The following CLN6 variants were observed in gnomAD, a reference collection of about 807,000 sequenced individuals.
CLN6 encodes CLN6 transmembrane ER protein.
In CLN6, 22 loss-of-function variants were observed where a neutral mutation model predicts 33.3. That is an observed-to-expected ratio of 0.66 (90% CI 0.47 to 0.94). The LOEUF (loss-of-function observed/expected upper bound fraction) is 0.94, where lower values mean the gene tolerates loss of function less well. Ranked by LOEUF, CLN6 falls within the 40% of genes least tolerant of loss-of-function variation. The pLI is 0.00. For missense variants in CLN6, 387 were observed against 417.1 expected, an observed-to-expected ratio of 0.93 and a Z score of 0.63; for synonymous variants, 201 against 174.6, an observed-to-expected ratio of 1.15 and a Z score of -1.19.
intron 3 of CLN6, chr15:68,212,094 C>T: frequency 1.7e-6 from 1 of 573,758 alleles, no homozygotes; most frequent in Non-Finnish European, 3.1e-6. Context: ...ACCCAGGGAG[C>T]AAAAAGACCA....
At chr15:68,224,265 C>CAAAAAAAA (rs34196710) in intron 1 of CLN6, among the ~76,000 whole-genome samples, 3 of 46,728 alleles carry the variant, frequency 6.4e-5, no homozygotes, top group Non-Finnish European at 9.6e-5. Flanking sequence ...GACCTTATTG[C>CAAAAAAAA]AAAAAAAAAA....
intron 2 of CLN6, chr15:68,214,790 T>C: frequency 3.2e-6 from 1 of 309,224 alleles, no homozygotes; most frequent in East Asian, 8.4e-5. Flanking sequence ...TGGGCCTTGG[T>C]TTCCCCATCT....
At chr15:68,251,820 T>A (rs1892381721) in intron 1 of CLN6, among the ~76,000 whole-genome samples, 1 of 145,248 alleles carries the variant, frequency 6.9e-6, no homozygotes, top group African/African-American at 2.5e-5. Context: ...CAAAAGAATG[T>A]TCAGACAAAT....
rs2093263458 is a variant in CLN6 at position 68,229,691 on chromosome 15, G to A, written c.-107C>T. The A allele has an allele frequency of 2.2e-6, 2 of 916,530 alleles. No homozygotes were observed. Among genetic ancestry groups the A allele is most frequent in the South Asian group, 2.7e-5 (1 of 36,412 alleles). The allele number at this position is 916,530 out of a possible 1,614,324, so 56.8% of individuals were successfully genotyped here. A position where few individuals can be genotyped will look rare whatever the true frequency, so the allele number is the denominator to read the frequency against. ...AATTCCCAGCGCGGGGCGGTTCGGGGCGGGCCGGCGAGAGCGCGCGGCCCT... is the reference window on the plus strand; with the variant it reads ...AATTCCCAGCGCGGGGCGGTTCGGGACGGGCCGGCGAGAGCGCGCGGCCCT... On this transcript the variant is annotated 5_prime_UTR_variant, in exon 1 of 7. Coordinates refer to ENST00000249806, the MANE Select transcript of CLN6 (RefSeq NM_017882.3).
rs2093191500 is a variant in CLN6, at chr15:68,207,815, C to A, written c.*325G>T. The A allele has an allele frequency of 7.3e-6, 3 of 412,254 alleles. No individual in the cohort carries two copies. In the East Asian group the frequency reaches 1.6e-4, roughly 22 times the overall value. The allele number at this position is 412,254 out of a possible 1,614,324, so 25.5% of individuals were successfully genotyped here. Reference sequence around the variant, plus strand: ...AAGATGTCCGGGAAGAACAGACTAGCCCTGAGTAGGGAGTGTGGTCAGGTG... The same window carrying A: ...AAGATGTCCGGGAAGAACAGACTAGACCTGAGTAGGGAGTGTGGTCAGGTG... On this transcript the variant is annotated 3_prime_UTR_variant, in exon 7 of 7. Coordinates refer to ENST00000249806, the MANE Select transcript of CLN6 (RefSeq NM_017882.3).
chr15:68,233,862 G>A (rs781142241), upstream of CLN6, among the ~76,000 whole-genome samples: 17 of 152,196 alleles, frequency 1.1e-4, no homozygotes, highest in Non-Finnish European at 1.9e-4. This position sits in a 1 kb window ranked among gnomAD's most constrained non-coding sequence, Gnocchi z 4.3. Flanking sequence ...GGGGGAAGAT[G>A]GAGACTGTCT....
chr15:68,229,772 A>AG (rs1555440260), upstream of CLN6: 34 of 268,728 alleles, frequency 1.3e-4, no homozygotes, highest in Non-Finnish European at 1.6e-4. Flanking sequence ...AGCGGAGCGG[A>AG]GCGGAGGGAG....
intron 1 of CLN6, among the ~76,000 whole-genome samples, chr15:68,245,048 A>AAAAAG: frequency 6.6e-6 from 1 of 151,256 alleles, no homozygotes; most frequent in Non-Finnish European, 1.5e-5. Context: ...AAAAAAAAAA[A>AAAAAG]AAGAGAGAGA....
rs1223612558 is a variant in CLN6 at position 68,210,064 on chromosome 15, G to A, written c.543-305C>T. Among the ~76,000 whole-genome samples the A allele has an allele frequency of 6.6e-6, 1 of 152,076 alleles. No homozygotes were observed. Among genetic ancestry groups the A allele is most frequent in the Non-Finnish European group, 1.5e-5 (1 of 67,994 alleles). On this transcript the variant is annotated intron_variant, in intron 5 of 6. Transcript: ENST00000249806. The surrounding 1 kb of genome is among the most constrained non-coding windows in gnomAD (Gnocchi z 5.6). ...TGGGGGGTTGTCTGTCTCATGCACC[G>A]CAGACACCAGCAGCCCAGCACCACA...
Position 68,207,671 on chromosome 15 carries a change from T to G in CLN6, c.*469A>C. 9.0e-6 allele frequency: 2 copies of G among 221,606 alleles called. No individual in the cohort carries two copies. Among genetic ancestry groups the G allele is most frequent in the South Asian group, 1.4e-4 (2 of 14,504 alleles). 13.7% of individuals were successfully genotyped at this position (221,606 alleles called of 1,614,324 possible). On this transcript the variant is annotated 3_prime_UTR_variant, in exon 7 of 7. Coordinates refer to ENST00000249806, the MANE Select transcript of CLN6 (RefSeq NM_017882.3). The stretch of plus-strand genomic sequence containing the variant: ...GCTCAACAGCCACAGTAGGCTGACG[T>G]AACCTATGTAATGTAGGGTCAGGGT...
chr15:68,249,626 C>A (rs535817544), intron 1 of CLN6, among the ~76,000 whole-genome samples: 3 of 151,730 alleles, frequency 2.0e-5, no homozygotes, highest in African/African-American at 7.2e-5. Context: ...AAGTGAATCT[C>A]ATGAAGATAG....
intron 1 of CLN6, among the ~76,000 whole-genome samples, chr15:68,253,162 T>C (rs770405967): frequency 2.6e-5 from 4 of 152,190 alleles, no homozygotes; most frequent in South Asian, 2.1e-4. Flanking sequence ...CTGGTGTAAA[T>C]GGACATGTAC....
At position 68,211,934 on chromosome 15, in the gene CLN6, CCT is replaced by C. The variant is rs935340832; in HGVS notation, c.298-73_298-72del. Reference sequence around the variant, plus strand: ...AGTATGTGACACCCTCTGCTTCCCCCCTCACACCTGGGGTGGGATGGACGCTT... The same window carrying C: ...AGTATGTGACACCCTCTGCTTCCCCCCACACCTGGGGTGGGATGGACGCTT... On this transcript the variant is annotated intron_variant, in intron 3 of 6. Coordinates refer to ENST00000249806, the MANE Select transcript of CLN6 (RefSeq NM_017882.3). This position sits in a 1 kb window ranked among gnomAD's most constrained non-coding sequence, Gnocchi z 5.9. 4.0e-6 allele frequency: 6 copies of C among 1,506,838 alleles called. No homozygotes were observed. Among genetic ancestry groups the C allele is most frequent in the African/African-American group, 2.7e-5 (2 of 72,992 alleles). 93.3% of individuals were successfully genotyped at this position (1,506,838 alleles called of 1,614,324 possible). A position where few individuals can be genotyped will look rare whatever the true frequency, so the allele number is the denominator to read the frequency against.
chr15:68,256,856 C>T lies in CLN6; in HGVS notation c.13G>A (p.Ala5Thr). 1 of 680,978 alleles carries T rather than the reference C, an allele frequency of 1.5e-6. No homozygotes were observed. Among genetic ancestry groups the T allele is most frequent in the Non-Finnish European group, 2.7e-6 (1 of 372,632 alleles). The allele number at this position is 680,978 out of a possible 1,614,324, so 42.2% of individuals were successfully genotyped here. Residue 5 changes from alanine (A) to threonine (T), a missense_variant, in exon 1 of 7, where the codon GCC (alanine) becomes ACC (threonine). By Grantham distance (58) the Ala-to-Thr change is moderately conservative. Transcript: ENST00000538696. The surrounding 1 kb of genome is among the most constrained non-coding windows in gnomAD (Gnocchi z 4.1). ...CCTCTCGCTCGCCGCTCCTTCCCGG[C>T]AACGGCTGCCATTTTCCGCCCAGGC...
intron 1 of CLN6, chr15:68,254,642 A>G: frequency 1.5e-6 from 1 of 679,204 alleles, no homozygotes; most frequent in Non-Finnish European, 2.7e-6. Context: ...CGTGCCCAGG[A>G]GAAAGGCTGA....
chr15:68,213,696 T>C (rs954396063), intron 3 of CLN6: 1 of 153,714 alleles, frequency 6.5e-6, no homozygotes, highest in Non-Finnish European at 1.4e-5. Context: ...ATCATGCCAG[T>C]GCTTAAAAAA....
chr15:68,219,189 T>C lies in CLN6; in HGVS notation c.84-539A>G, dbSNP rs939363767. On this transcript the variant is annotated intron_variant, in intron 1 of 6. Transcript: ENST00000249806. The surrounding 1 kb of genome is among the most constrained non-coding windows in gnomAD (Gnocchi z 4.2). ...CAGCTAAGGATTTGAACCCAAATGA[T>C]TGGGCTCCTGAGCTTATACTTTTAA... Among the ~76,000 whole-genome samples the C allele has an allele frequency of 3.9e-5, 6 of 152,188 alleles. No homozygotes were observed. Among genetic ancestry groups the C allele is most frequent in the African/African-American group, 1.2e-4 (5 of 41,450 alleles).
At chr15:68,226,772 C>T (rs544522805) in intron 1 of CLN6, among the ~76,000 whole-genome samples, 3 of 151,980 alleles carry the variant, frequency 2.0e-5, no homozygotes, top group East Asian at 2.0e-4. Flanking sequence ...GCCAGTAGAT[C>T]GTATCTCAAG....
At chr15:68,243,013 G>C (rs951978460) in intron 1 of CLN6, among the ~76,000 whole-genome samples, 2 of 152,210 alleles carry the variant, frequency 1.3e-5, no homozygotes, top group Non-Finnish European at 2.9e-5. Context: ...GACGACTGCA[G>C]AAACAGTTTT....
Sources: gnomAD v4.1 joint callset for allele counts (sites outside exome capture counted in the v4.1 genomes callset) on GRCh38, gnomAD v4.1.1 for gene constraint, Gnocchi (gnomAD v3.1) non-coding constraint, MANE v1.5 for transcripts, NCBI Gene and HGNC (gene_info 2026-07-23, HGNC 2026-07-21) for gene names.